Variants in EIF2AK2 observed in about 807,000 individuals in gnomAD.
The protein encoded by EIF2AK2 is interferon-induced, double-stranded RNA-activated protein kinase.
Under a neutral mutation model 70.5 loss-of-function variants are expected in EIF2AK2, and 40 were observed. The ratio of observed to expected loss-of-function variants is 0.57; its 90% CI spans 0.44 to 0.74. The LOEUF is 0.74. Among genes scored for constraint, EIF2AK2 ranks in the 30% least tolerant of loss-of-function variants. The pLI is 0.00. For missense variants in EIF2AK2, 555 were observed against 644.3 expected (o/e 0.86, Z 1.50); for synonymous variants, 198 against 220.9 (o/e 0.90, Z 0.92).
In EIF2AK2 at chr2:37,101,577, T is replaced by C. The variant is rs1156597365; in HGVS notation, c.*5696A>G. On this transcript the variant is annotated 3_prime_UTR_variant, in exon 17 of 17. Transcript: ENST00000233057. ...TATAGCATCACCTATGGAGTATTCT[T>C]GGGGGAAAATAAATGAACCAGGATC... The C allele has an allele frequency of 6.6e-6, 1 of 152,134 alleles. No individual in the cohort carries two copies. The highest frequency in any genetic ancestry group is 1.5e-5 in the Non-Finnish European group (1 of 68,020). 9.4% of individuals were successfully genotyped at this position (152,134 alleles called of 1,614,324 possible).
At chr2:37,139,314 CA>C (rs111711091) in intron 6 of EIF2AK2, among the ~76,000 whole-genome samples, 1,247 of 67,360 alleles carry the variant, frequency 0.019, 20 homozygotes, top group African/African-American at 0.055. Context: ...GATTCCATCT[CA>C]AAAAAAAAAA....
In EIF2AK2 at chr2:37,120,003, C is replaced by T; in HGVS notation, c.1204G>A (p.Val402Met). Residue 402 changes from valine to methionine, a missense_variant, in exon 13 of 17, where the codon GTG becomes ATG. This residue lies in a region of EIF2AK2 where 299 missense variants were observed against 375.4 expected (regional missense o/e 0.80). Coordinates refer to ENST00000233057, the MANE Select transcript of EIF2AK2 (RefSeq NM_001135651.3). ...AATTTTTTTGAATGTATATAATCCA[C>T]CCCTTTTGTTATTTGTTCAAAGAGT... Reference protein sequence around the residue: ...LELFEQITKGVDYIHSKKLIH... With the variant: ...LELFEQITKGMDYIHSKKLIH... The T allele has an allele frequency of 6.5e-7, 1 of 1,530,834 alleles. No homozygotes were observed. Among genetic ancestry groups the T allele is most frequent in the South Asian group, 1.3e-5 (1 of 76,924 alleles). 94.8% of individuals were successfully genotyped at this position (1,530,834 alleles called of 1,614,324 possible). A position where few individuals can be genotyped will look rare whatever the true frequency, so the allele number is the denominator to read the frequency against.
chr2:37,139,527 C>T, intron 6 of EIF2AK2, 104 bp downstream of exon 6: 1 of 1,476,746 alleles, frequency 6.8e-7, no homozygotes, highest in South Asian at 1.3e-5. Flanking sequence ...AATCATTTTG[C>T]TAAATCACTG....
chr2:37,150,423 A>T, intron 1 of EIF2AK2, among the ~76,000 whole-genome samples: 1 of 151,828 alleles, frequency 6.6e-6, no homozygotes, highest in East Asian at 1.9e-4. Flanking sequence ...AAATATTTTT[A>T]AATTTTTTTT....
chr2:37,149,444 C>A (rs773837379), intron 1 of EIF2AK2: 7 of 451,716 alleles, frequency 1.5e-5, no homozygotes, highest in Non-Finnish European at 2.8e-5. Context: ...ATCTTGGGTG[C>A]TTTAAGATTC....
intron 7 of EIF2AK2, 30 bp downstream of exon 7, chr2:37,138,479 T>G (rs762053815): frequency 6.2e-7 from 1 of 1,610,896 alleles, no homozygotes; most frequent in Non-Finnish European, 8.5e-7. Context: ...ATGAATATGT[T>G]AAGTATCTCA....
In EIF2AK2 at chr2:37,146,955, T is replaced by C; in HGVS notation, c.138A>G (p.Ile46Met). ...CTTCTGGAAATTCTCTTCCATCTAT[T>C]ATAACTTGAAATGTAAACCTGATTA... Reference protein sequence around the residue: ...PHDRRFTFQVIIDGREFPEGE... With the variant: ...PHDRRFTFQVMIDGREFPEGE... Residue 46 changes from isoleucine (I) to methionine (M), a missense_variant, in exon 4 of 17, where the codon ATA becomes ATG. By Grantham distance (10) the Ile-to-Met change is conservative. Around this residue, in one of 3 missense-constraint regions of EIF2AK2, gnomAD observed 48 missense variants for 77.1 expected, o/e 0.62. Coordinates refer to ENST00000233057, the MANE Select transcript of EIF2AK2 (RefSeq NM_001135651.3). 1 of 1,612,300 alleles carries C rather than the reference T, an allele frequency of 6.2e-7. No homozygotes were observed.
intron 13 of EIF2AK2, among the ~76,000 whole-genome samples, chr2:37,118,852 AT>A (rs1160937176): frequency 1.3e-5 from 2 of 152,148 alleles, no homozygotes; most frequent in Non-Finnish European, 2.9e-5. Flanking sequence ...CTCTCAAGGA[AT>A]TTTTTTGTTT....
intron 15 of EIF2AK2, among the ~76,000 whole-genome samples, chr2:37,108,760 A>G (rs549886605): frequency 6.6e-6 from 1 of 152,158 alleles, no homozygotes; most frequent in Admixed American, 6.5e-5. Flanking sequence ...AGTAGAGATG[A>G]GATTTCACCA....
chr2:37,146,524 C>T (rs1318032933), intron 4 of EIF2AK2, among the ~76,000 whole-genome samples: 5 of 152,204 alleles, frequency 3.3e-5, no homozygotes, highest in African/African-American at 1.2e-4. Context: ...ACTGTACTTC[C>T]TCATTTAGGT....
chr2:37,108,515 C>A (rs147465685), intron 15 of EIF2AK2, among the ~76,000 whole-genome samples: 2 of 152,286 alleles, frequency 1.3e-5, no homozygotes, highest in African/African-American at 4.8e-5. Flanking sequence ...ATGCTTATGG[C>A]ATTCTCTTAT....
chr2:37,142,069 TCTA>T (rs1197439038), intron 4 of EIF2AK2, among the ~76,000 whole-genome samples: 12 of 152,210 alleles, frequency 7.9e-5, no homozygotes, highest in African/African-American at 2.7e-4. Flanking sequence ...TAGCATCATT[TCTA>T]CTATTATTAT....
rs1673999184 is a variant in EIF2AK2, at chr2:37,107,413, G to A, written c.1534-18C>T. 6.2e-7 allele frequency: 1 copy of A among 1,611,344 alleles called. No individual in the cohort carries two copies. Among genetic ancestry groups the A allele is most frequent in the African/African-American group, 1.3e-5 (1 of 74,636 alleles). ...AGAGTTTTCTGCAATGACAGTGAGA[G>A]TCAATAGTAAGAAATAAAACATTGA... is the stretch of plus-strand genomic sequence containing the variant. On this transcript the variant is annotated intron_variant, in intron 16 of 16. Transcript: ENST00000233057.
intron 12 of EIF2AK2, among the ~76,000 whole-genome samples, chr2:37,120,540 C>T (rs1180375416): frequency 7.6e-6 from 1 of 131,054 alleles, no homozygotes; most frequent in Non-Finnish European, 1.7e-5. Flanking sequence ...AAAAAAGAAC[C>T]CCAAAACATG....
rs766630151 is a variant in EIF2AK2 at position 37,146,996 on chromosome 2, T to C, written c.120-23A>G. On this transcript the variant is annotated intron_variant, in intron 3 of 16. Coordinates refer to ENST00000233057, the MANE Select transcript of EIF2AK2 (RefSeq NM_001135651.3). Reference sequence around the variant, plus strand: ...AACCTGATTACAAAGAGAATATTCATAAAATATTATACAACTCATGCACTA... The same window carrying C: ...AACCTGATTACAAAGAGAATATTCACAAAATATTATACAACTCATGCACTA... 6 of 1,595,584 alleles carry C rather than the reference T, an allele frequency of 3.8e-6. No individual in the cohort carries two copies. The East Asian group carries it at 6.7e-5, about 18-fold the overall frequency.
At chr2:37,108,401 G>C (rs983021732) in intron 15 of EIF2AK2, among the ~76,000 whole-genome samples, 2 of 152,172 alleles carry the variant, frequency 1.3e-5, no homozygotes, top group African/African-American at 4.8e-5. Context: ...GAAGCCAACA[G>C]ATCCTTCAGA....
chr2:37,101,655 C>A lies in EIF2AK2; in HGVS notation c.*5618G>T, dbSNP rs1364307862. The A allele has an allele frequency of 1.3e-5, 2 of 152,086 alleles. No homozygotes were observed. Among genetic ancestry groups the A allele is most frequent in the Non-Finnish European group, 2.9e-5 (2 of 68,024 alleles). The allele number at this position is 152,086 out of a possible 1,614,324, so 9.4% of individuals were successfully genotyped here. ...ACTCTGGGGATACTCTCAGTCAAAT[C>A]CTGAGTGGAGGAAATTCCACAGGAC... On this transcript the variant is annotated 3_prime_UTR_variant, in exon 17 of 17. Coordinates refer to ENST00000233057, the MANE Select transcript of EIF2AK2 (RefSeq NM_001135651.3).
At chr2:37,140,995 C>T (rs1192286482) in intron 5 of EIF2AK2, among the ~76,000 whole-genome samples, 6 of 152,196 alleles carry the variant, frequency 3.9e-5, no homozygotes, top group Admixed American at 3.9e-4. Flanking sequence ...TCTTAGCTCA[C>T]TGGTGATGTT....
chr2:37,154,879 T>C (rs1340356850), intron 1 of EIF2AK2, among the ~76,000 whole-genome samples: 1 of 152,116 alleles, frequency 6.6e-6, no homozygotes, highest in Admixed American at 6.6e-5. Flanking sequence ...TCTTCTGTTC[T>C]GACAAGCTAC....
Sources: gnomAD v4.1 joint callset for allele counts (sites outside exome capture counted in the v4.1 genomes callset) on GRCh38, gnomAD v4.1.1 for gene constraint, gnomAD v4.1.1 regional missense constraint, MANE v1.5 for transcripts, NCBI Gene and HGNC (gene_info 2026-07-23, HGNC 2026-07-21) for gene names.